Variants in KLF12 observed in about 807,000 individuals in gnomAD.
KLF12 encodes the protein KLF transcription factor 12, also known as Krueppel-like factor 12.
Under a neutral mutation model 37.8 loss-of-function variants are expected in KLF12, and 9 were observed. The ratio of observed to expected loss-of-function variants is 0.24; its 90% CI spans 0.14 to 0.42. The LOEUF (loss-of-function observed/expected upper bound fraction) is 0.42. KLF12 is among the 10% of genes least tolerant of loss of function. The pLI is 1.00. For synonymous variants in KLF12, 208 were observed against 202.1 expected, an observed-to-expected ratio of 1.03 and a Z score of -0.25; for missense variants, 411 against 516.0, an observed-to-expected ratio of 0.80 and a Z score of 1.97.
intron 6 of KLF12, among the ~76,000 whole-genome samples, chr13:73,749,028 C>A (rs1162673442): frequency 6.6e-6 from 1 of 152,144 alleles, no homozygotes; most frequent in African/African-American, 2.4e-5. Context: ...CTTTGATGGT[C>A]ATTTCCTATA....
At chr13:73,943,182 T>C (rs1041659756) in intron 3 of KLF12, among the ~76,000 whole-genome samples, 3 of 152,230 alleles carry the variant, frequency 2.0e-5, no homozygotes, top group Non-Finnish European at 2.9e-5. Context: ...AAAGATTATA[T>C]ACGTATTTAT....
At chr13:74,152,457 A>C in the KLF12 span, among the ~76,000 whole-genome samples, 2 of 152,156 alleles carry the variant, frequency 1.3e-5, no homozygotes, top group Admixed American at 1.3e-4. Flanking sequence ...CTTCCCTAAG[A>C]ACCAATTTTT....
chr13:73,720,688 G>A (rs1876175451), intron 6 of KLF12, among the ~76,000 whole-genome samples: 1 of 152,136 alleles, frequency 6.6e-6, no homozygotes, highest in Non-Finnish European at 1.5e-5. Context: ...GGAATGGCAA[G>A]TTAAATTAGA....
At chr13:73,940,432 A>G (rs1172351965) in intron 3 of KLF12, among the ~76,000 whole-genome samples, 1 of 152,168 alleles carries the variant, frequency 6.6e-6, no homozygotes, top group Non-Finnish European at 1.5e-5. Flanking sequence ...AGAGAACTCC[A>G]AACAGAAGGC....
At chr13:73,800,037 CA>C (rs1466248643) in intron 5 of KLF12, 1 of 151,984 alleles carries the variant, frequency 6.6e-6, no homozygotes, top group Non-Finnish European at 1.5e-5. Context: ...TTCCAGAAAT[CA>C]GGGGGAAAGA....
chr13:74,247,637 T>G, the KLF12 span, among the ~76,000 whole-genome samples: 1 of 152,150 alleles, frequency 6.6e-6, no homozygotes, highest in African/African-American at 2.4e-5. Context: ...AGTTATTTAT[T>G]ATTATTATTT....
At chr13:74,183,625 T>A in the KLF12 span, among the ~76,000 whole-genome samples, 2 of 152,096 alleles carry the variant, frequency 1.3e-5, no homozygotes, top group African/African-American at 4.8e-5. Context: ...CAACAGCGTA[T>A]TTAGAAAAAC....
chr13:74,195,030 G>A, the KLF12 span, among the ~76,000 whole-genome samples: 5 of 152,232 alleles, frequency 3.3e-5, no homozygotes, highest in Admixed American at 6.5e-5. Flanking sequence ...AAGGCATCGC[G>A]GAAAGCAGAC....
At chr13:74,227,900 T>A in the KLF12 span, among the ~76,000 whole-genome samples, 6 of 152,192 alleles carry the variant, frequency 3.9e-5, no homozygotes, top group Non-Finnish European at 8.8e-5. Context: ...TTTTAAGAAA[T>A]GTTTTCAATT....
chr13:74,224,646 CAT>C, the KLF12 span, among the ~76,000 whole-genome samples: 1 of 152,084 alleles, frequency 6.6e-6, no homozygotes, highest in African/African-American at 2.4e-5. Context: ...TGGAACATAA[CAT>C]ATGAAAAAGC....
At chr13:73,882,231 A>C (rs938254717) in intron 3 of KLF12, among the ~76,000 whole-genome samples, 6 of 152,166 alleles carry the variant, frequency 3.9e-5, no homozygotes, top group Non-Finnish European at 7.4e-5. Flanking sequence ...CAAATCCTGA[A>C]GTTTAAAAAC....
At chr13:74,159,305 G>C in the KLF12 span, among the ~76,000 whole-genome samples, 1 of 152,094 alleles carries the variant, frequency 6.6e-6, no homozygotes, top group Non-Finnish European at 1.5e-5. Context: ...TTTGGAAAGG[G>C]TGTTTTTTCA....
the KLF12 span, among the ~76,000 whole-genome samples, chr13:74,148,739 G>GT: frequency 6.6e-6 from 1 of 151,972 alleles, no homozygotes; most frequent in Non-Finnish European, 1.5e-5. Context: ...ACATTCTCCA[G>GT]TTTTTTTGTT....
At chr13:74,164,858 A>G in the KLF12 span, among the ~76,000 whole-genome samples, 1 of 152,208 alleles carries the variant, frequency 6.6e-6, no homozygotes, top group Non-Finnish European at 1.5e-5. Context: ...TACAAATGAA[A>G]ACAATTGAAC....
intron 2 of KLF12, among the ~76,000 whole-genome samples, chr13:73,969,905 T>A (rs1457891143): frequency 6.6e-6 from 1 of 152,204 alleles, no homozygotes; most frequent in East Asian, 1.9e-4. Context: ...CAAACAAGCC[T>A]CTTGACCTAC....
chr13:74,299,603 TCCCC>T, the KLF12 span, among the ~76,000 whole-genome samples: 2 of 152,064 alleles, frequency 1.3e-5, no homozygotes, highest in African/African-American at 4.8e-5. Context: ...CTTAATACTT[TCCCC>T]CCTTTTTATA....
intron 6 of KLF12, among the ~76,000 whole-genome samples, chr13:73,746,420 TACTA>T (rs1878375519): frequency 6.6e-6 from 1 of 152,228 alleles, no homozygotes; most frequent in Non-Finnish European, 1.5e-5. Context: ...AACATAACTT[TACTA>T]ACTCATTCAC....
At chr13:73,726,610 T>C (rs989543905) in intron 6 of KLF12, among the ~76,000 whole-genome samples, 1 of 152,242 alleles carries the variant, frequency 6.6e-6, no homozygotes, top group African/African-American at 2.4e-5. Context: ...CATCAATACT[T>C]CACTCATTTT....
At chr13:74,144,452 T>A in the KLF12 span, among the ~76,000 whole-genome samples, 1 of 152,206 alleles carries the variant, frequency 6.6e-6, no homozygotes. Flanking sequence ...TGCGTATTTG[T>A]ATTTAAACTG....
Sources: allele counts gnomAD v4.1 joint callset (sites outside exome capture counted in the v4.1 genomes callset), GRCh38; gene constraint gnomAD v4.1.1; transcripts MANE v1.5; gene names NCBI Gene and HGNC (gene_info 2026-07-23, HGNC 2026-07-21).